LDB2: variants seen among roughly 807,000 people sequenced by gnomAD.
LDB2 encodes the protein LIM domain-binding protein 2.
LDB2 carries 12 observed loss-of-function variants against 44.3 expected under a neutral mutation model. The observed-to-expected ratio is 0.27, with a 90% CI of 0.17 to 0.44. The LOEUF is 0.44. Among genes scored for constraint, LDB2 ranks in the 20% least tolerant of loss-of-function variants. The pLI, the probability that LDB2 is intolerant of heterozygous loss-of-function variation, is 1.00. For synonymous variants in LDB2, 164 were observed against 174.8 expected, an observed-to-expected ratio of 0.94 and a Z score of 0.49; for missense variants, 344 against 473.5, an observed-to-expected ratio of 0.73 and a Z score of 2.54.
In LDB2 at chr4:16,559,643, A is replaced by G. The variant is rs571752064; in HGVS notation, c.615+26279T>C. On this transcript the variant is annotated intron_variant, in intron 5 of 7. Transcript: ENST00000304523. ...GAGACTTTAACACCCCACTGTCAAC[A>G]TTAGACAGATCAACGAGACAGAAAG... Among the ~76,000 whole-genome samples the G allele has an allele frequency of 1.4e-3, 216 of 152,308 alleles. No individual in the cohort carries two copies. The East Asian group carries it at 0.029, about 20-fold the overall frequency.
intron 1 of LDB2, among the ~76,000 whole-genome samples, chr4:16,895,509 G>T (rs935447736): frequency 6.6e-6 from 1 of 151,914 alleles, no homozygotes; most frequent in Non-Finnish European, 1.5e-5. Flanking sequence ...TCAAAAAGGG[G>T]TGAAGACTTG....
intron 5 of LDB2, among the ~76,000 whole-genome samples, chr4:16,575,960 G>C (rs192027161): frequency 5.9e-5 from 9 of 152,250 alleles, no homozygotes; most frequent in African/African-American, 2.2e-4. Context: ...GGCTGGTCTT[G>C]AACTCTTGAC....
intron 2 of LDB2, among the ~76,000 whole-genome samples, chr4:16,694,496 C>T (rs1191842653): frequency 1.3e-5 from 2 of 152,160 alleles, no homozygotes; most frequent in Admixed American, 1.3e-4. Flanking sequence ...GATGTTTCTA[C>T]AAAGCACAAC....
At chr4:16,712,368 A>G (rs1346791791) in intron 2 of LDB2, among the ~76,000 whole-genome samples, 3 of 152,118 alleles carry the variant, frequency 2.0e-5, no homozygotes, top group Admixed American at 2.0e-4. Context: ...CCTGGCCAAC[A>G]TGGTGAAACC....
chr4:16,696,652 T>C (rs1274969867), intron 2 of LDB2, among the ~76,000 whole-genome samples: 1 of 152,148 alleles, frequency 6.6e-6, no homozygotes, highest in Non-Finnish European at 1.5e-5. Flanking sequence ...CAGCAGAAGA[T>C]ATATTTATTA....
At chr4:16,864,434 T>G (rs565303332) in intron 1 of LDB2, among the ~76,000 whole-genome samples, 1 of 152,146 alleles carries the variant, frequency 6.6e-6, no homozygotes, top group Admixed American at 6.5e-5. Context: ...GATGACACCA[T>G]AGATCTCTGC....
rs550844731 is a variant in LDB2, at chr4:16,871,848, C to T, written c.132+26506G>A. Among the ~76,000 whole-genome samples the T allele has an allele frequency of 7.9e-5, 12 of 152,202 alleles. No homozygotes were observed. In the South Asian group the frequency reaches 2.5e-3, roughly 32 times the overall value. On this transcript the variant is annotated intron_variant, in intron 1 of 7. Transcript: ENST00000304523. ...TGTTGGCTAGGCTGGTCTTGAATTC[C>T]TGACCGCAGATGATCCGCCCACCTC...
chr4:16,525,513 G>A (rs531110737), intron 5 of LDB2, among the ~76,000 whole-genome samples: 55 of 152,336 alleles, frequency 3.6e-4, no homozygotes, highest in African/African-American at 1.3e-3. Context: ...TCATGTTGAT[G>A]ATGCCAGCAC....
chr4:16,760,962 T>G (rs937035230), intron 1 of LDB2, among the ~76,000 whole-genome samples: 1 of 152,148 alleles, frequency 6.6e-6, no homozygotes, highest in African/African-American at 2.4e-5. Flanking sequence ...TTATGTGTAT[T>G]TTCCTACTTA....
intron 2 of LDB2, among the ~76,000 whole-genome samples, chr4:16,654,768 A>C (rs1212778036): frequency 6.6e-6 from 1 of 152,212 alleles, no homozygotes; most frequent in Admixed American, 6.5e-5. Flanking sequence ...GACTCATGTT[A>C]AGTCTATAAC....
At chr4:16,783,630 C>T (rs971772716) in intron 1 of LDB2, among the ~76,000 whole-genome samples, 1 of 152,186 alleles carries the variant, frequency 6.6e-6, no homozygotes, top group Non-Finnish European at 1.5e-5. Flanking sequence ...CTGTGTCCTG[C>T]AGTTTGGTGG....
intron 5 of LDB2, among the ~76,000 whole-genome samples, chr4:16,583,241 A>G (rs948395479): frequency 2.6e-5 from 4 of 152,218 alleles, no homozygotes; most frequent in Non-Finnish European, 4.4e-5. Context: ...TAATTTTGTT[A>G]CGTTAGACAC....
chr4:16,655,992 C>T (rs1373337038), intron 2 of LDB2, among the ~76,000 whole-genome samples: 8 of 149,924 alleles, frequency 5.3e-5, no homozygotes, highest in Admixed American at 3.3e-4. Context: ...CTCCACCTCC[C>T]GGGTTCACGC....
intron 1 of LDB2, among the ~76,000 whole-genome samples, chr4:16,827,889 C>T (rs111807863): frequency 1.4e-4 from 22 of 152,278 alleles, no homozygotes; most frequent in African/African-American, 4.3e-4. Flanking sequence ...TTCAGGATTT[C>T]GTATCCTCTT....
intron 5 of LDB2, 114 bp downstream of exon 5, chr4:16,585,808 T>C (rs1716584596): frequency 9.9e-6 from 7 of 710,550 alleles, no homozygotes; most frequent in African/African-American, 1.7e-5. Context: ...GTACAGAACA[T>C]AGACACTGCT....
At chr4:16,676,016 A>T (rs1339088375) in intron 2 of LDB2, among the ~76,000 whole-genome samples, 2 of 152,204 alleles carry the variant, frequency 1.3e-5, no homozygotes, top group Non-Finnish European at 2.9e-5. Flanking sequence ...ATAAGTAATA[A>T]TAACAGTATT....
At position 16,586,550 on chromosome 4, in the gene LDB2, C is replaced by T. The variant is rs935729457; in HGVS notation, c.532-545G>A. ...CAAAACACACACACACACACACACA[C>T]ATATATATGGAGAGACAGAATTCTC... On this transcript the variant is annotated intron_variant, in intron 4 of 7. Transcript: ENST00000304523. Among the ~76,000 whole-genome samples, 9 of 136,940 alleles carry T rather than the reference C, an allele frequency of 6.6e-5. No homozygotes were observed. The East Asian group carries it at 6.6e-4, about 10-fold the overall frequency. The allele number at this position is 136,940 out of a possible 152,430, so 89.8% of individuals were successfully genotyped here.
intron 1 of LDB2, among the ~76,000 whole-genome samples, chr4:16,771,255 A>T (rs1561175200): frequency 6.6e-6 from 1 of 152,150 alleles, no homozygotes; most frequent in Non-Finnish European, 1.5e-5. Flanking sequence ...ATGAAAAAAA[A>T]ATTTTTGTTC....
intron 1 of LDB2, among the ~76,000 whole-genome samples, chr4:16,782,020 T>C (rs1321320438): frequency 6.6e-6 from 1 of 152,196 alleles, no homozygotes; most frequent in Non-Finnish European, 1.5e-5. Context: ...AGAGTGAATT[T>C]CTGTTATTTT....
Sources: gnomAD v4.1 joint callset for allele counts (sites outside exome capture counted in the v4.1 genomes callset) on GRCh38, gnomAD v4.1.1 for gene constraint, MANE v1.5 for transcripts, NCBI Gene and HGNC (gene_info 2026-07-23, HGNC 2026-07-21) for gene names.